The following PIP4P2 variants were observed in gnomAD, a reference collection of about 807,000 sequenced individuals.
PIP4P2 encodes the protein phosphatidylinositol-4,5-bisphosphate 4-phosphatase 2, also known as type 2 phosphatidylinositol 4,5-bisphosphate 4-phosphatase.
Under a neutral mutation model 33.3 loss-of-function variants are expected in PIP4P2, and 19 were observed. That is an observed-to-expected ratio of 0.57 (90% CI 0.40 to 0.84). PIP4P2 has a LOEUF of 0.84. Ranked by LOEUF, PIP4P2 falls within the 40% of genes least tolerant of loss-of-function variation. The pLI, the probability that PIP4P2 is intolerant of heterozygous loss-of-function variation, is 0.00. For missense variants in PIP4P2, 270 were observed against 324.7 expected (o/e 0.83, Z 1.29); for synonymous variants, 110 against 111.9 (o/e 0.98, Z 0.11).
chr8:90,998,817 T>G (rs895738454), intron 5 of PIP4P2, among the ~76,000 whole-genome samples: 2 of 151,772 alleles, frequency 1.3e-5, no homozygotes, highest in African/African-American at 4.8e-5. Context: ...TTATATAGGT[T>G]GCCTGGAGGA....
intron 1 of PIP4P2, among the ~76,000 whole-genome samples, chr8:91,022,093 G>A (rs916130191): frequency 2.6e-5 from 4 of 152,026 alleles, no homozygotes; most frequent in Non-Finnish European, 5.9e-5. Flanking sequence ...GTGTTTATGA[G>A]TAAAAAAATG....
intron 4 of PIP4P2, among the ~76,000 whole-genome samples, chr8:91,012,949 C>T (rs1811858716): frequency 6.6e-6 from 1 of 152,124 alleles, no homozygotes; most frequent in South Asian, 2.1e-4. Context: ...AAATATAAAC[C>T]TTTATAACAA....
intron 1 of PIP4P2, among the ~76,000 whole-genome samples, 183 bp from the exon 2 acceptor site, chr8:91,021,587 T>C (rs1352325921): frequency 6.6e-6 from 1 of 152,200 alleles, no homozygotes; most frequent in Admixed American, 6.5e-5. Context: ...TCTTATCAAG[T>C]AAAATAATTC....
Position 91,021,390 on chromosome 8 carries a change from G to C in PIP4P2, c.121C>G (p.Pro41Ala), listed in dbSNP as rs1487182429. 6.2e-7 allele frequency: 1 copy of C among 1,613,696 alleles called. No homozygotes were observed. Among genetic ancestry groups the C allele is most frequent in the Non-Finnish European group, 8.5e-7 (1 of 1,179,740 alleles). ...ESSPRAELPP[P>A]YTAIASPDAS... Reference sequence around the variant, plus strand: ...TCTGGACTGGCAATGGCTGTATATGGAGGTGGGAGCTCCGCTGAAAAGATA... The same window carrying C: ...TCTGGACTGGCAATGGCTGTATATGCAGGTGGGAGCTCCGCTGAAAAGATA... Residue 41 changes from proline to alanine, a missense_variant, in exon 2 of 7, where the codon CCA becomes GCA. Coordinates refer to ENST00000285419, the MANE Select transcript of PIP4P2 (RefSeq NM_018710.3).
chr8:91,011,376 T>G (rs1322154902), intron 4 of PIP4P2, among the ~76,000 whole-genome samples: 1 of 152,062 alleles, frequency 6.6e-6, no homozygotes, highest in Non-Finnish European at 1.5e-5. Context: ...GTTAAGAAAC[T>G]TCTTTGCATT....
intron 1 of PIP4P2, among the ~76,000 whole-genome samples, chr8:91,032,949 T>A (rs769455540): frequency 2.0e-5 from 3 of 152,168 alleles, no homozygotes; most frequent in Non-Finnish European, 4.4e-5. Flanking sequence ...CCTGTTAACT[T>A]TCTTCTCCAA....
intron 4 of PIP4P2, among the ~76,000 whole-genome samples, chr8:91,015,320 G>A (rs1246133137): frequency 6.6e-6 from 1 of 152,062 alleles, no homozygotes; most frequent in Non-Finnish European, 1.5e-5. Flanking sequence ...GCAGGAAGAG[G>A]ATAAGGAAGA....
At chr8:91,040,835 CGCTGCTGCCGCTGCAGCTGCTGCTGCT>C (rs1192592524) in exon 1 of PIP4P2, 1 of 1,167,184 alleles carries the variant, frequency 8.6e-7, no homozygotes, top group Non-Finnish European at 1.2e-6. Flanking sequence ...CCTCTGCTGC[CGCTGCTGCCGCTGCAGCTGCTGCTGCT>C]GCCGCCTCCG....
intron 1 of PIP4P2, among the ~76,000 whole-genome samples, chr8:91,037,710 T>C (rs968605990): frequency 1.3e-5 from 2 of 152,176 alleles, no homozygotes; most frequent in Non-Finnish European, 2.9e-5. Context: ...AAATTATTAT[T>C]TTCCCTTTAT....
intron 5 of PIP4P2, among the ~76,000 whole-genome samples, chr8:90,997,328 A>G (rs1256270556): frequency 6.6e-6 from 1 of 152,098 alleles, no homozygotes; most frequent in Non-Finnish European, 1.5e-5. Context: ...TGAATATAAC[A>G]TAATTAAAAA....
rs1194983784 is a variant in PIP4P2, at chr8:91,008,731, T to C, written c.539+12A>G. Reference sequence around the variant, plus strand: ...TATTTCTCAATAATATTTCCAATGGTAGGGAACTTACATTTTTTTGCAGTG... The same window carrying C: ...TATTTCTCAATAATATTTCCAATGGCAGGGAACTTACATTTTTTTGCAGTG... On this transcript the variant is annotated intron_variant, in intron 5 of 6. Transcript: ENST00000285419. 6.2e-7 allele frequency: 1 copy of C among 1,608,454 alleles called. No homozygotes were observed. Among genetic ancestry groups the C allele is most frequent in the East Asian group, 2.2e-5 (1 of 44,778 alleles).
At chr8:91,036,753 C>T (rs1425106215) in intron 1 of PIP4P2, among the ~76,000 whole-genome samples, 1 of 152,198 alleles carries the variant, frequency 6.6e-6, no homozygotes, top group Non-Finnish European at 1.5e-5. Flanking sequence ...TATTCCTTAA[C>T]ATGACCAACA....
intron 5 of PIP4P2, among the ~76,000 whole-genome samples, chr8:91,007,294 A>T (rs1586176414): frequency 3.3e-5 from 5 of 152,352 alleles, no homozygotes; most frequent in African/African-American, 1.2e-4. Flanking sequence ...ATAAGCTAAG[A>T]TATGCTGTAA....
chr8:91,026,550 G>C (rs756082674), intron 1 of PIP4P2, among the ~76,000 whole-genome samples: 1 of 152,078 alleles, frequency 6.6e-6, no homozygotes, highest in Non-Finnish European at 1.5e-5. Context: ...TAGCCCTAGT[G>C]GTGGCAGTTG....
chr8:91,018,036 A>T (rs1248368289), intron 4 of PIP4P2, among the ~76,000 whole-genome samples: 5 of 152,162 alleles, frequency 3.3e-5, no homozygotes, highest in Non-Finnish European at 7.4e-5. Context: ...AAGCAAATCT[A>T]CTGCATGAGA....
rs186372415 is a variant in PIP4P2, at chr8:91,018,121, T to C, written c.486+269A>G. On this transcript the variant is annotated intron_variant, in intron 4 of 6. Transcript: ENST00000285419. ...GCTGCTCCCCAAGCCAAGATACTCATGGAACTAAGCCTGGGCACGATTTCT... is the reference window on the plus strand; with the variant it reads ...GCTGCTCCCCAAGCCAAGATACTCACGGAACTAAGCCTGGGCACGATTTCT... Among the ~76,000 whole-genome samples, 1,373 of 152,274 alleles carry C rather than the reference T, an allele frequency of 9.0e-3. 6 individuals are homozygous for C. The highest frequency in any genetic ancestry group is 0.015 in the Non-Finnish European group (1,038 of 68,014).
intron 1 of PIP4P2, among the ~76,000 whole-genome samples, chr8:91,037,502 T>C (rs10096420): frequency 0.12 from 17,517 of 152,238 alleles, 1,471 homozygotes; most frequent in African/African-American, 0.24. Flanking sequence ...GTATTGCATA[T>C]ATTTCCAGCA....
chr8:91,040,421 C>CCACCAT (rs1368349061), intron 1 of PIP4P2, among the ~76,000 whole-genome samples: 6 of 149,140 alleles, frequency 4.0e-5, no homozygotes, highest in African/African-American at 1.2e-4. Context: ...ACCACCATCA[C>CCACCAT]CACCACCACC....
chr8:91,000,307 A>T (rs1229048132), intron 5 of PIP4P2, among the ~76,000 whole-genome samples: 1 of 151,512 alleles, frequency 6.6e-6, no homozygotes, highest in African/African-American at 2.4e-5. Context: ...TTTCTGGTGA[A>T]TTGTTACAAT....
Sources: gnomAD v4.1 joint callset for allele counts (sites outside exome capture counted in the v4.1 genomes callset) on GRCh38, gnomAD v4.1.1 for gene constraint, MANE v1.5 for transcripts, NCBI Gene and HGNC (gene_info 2026-07-23, HGNC 2026-07-21) for gene names.